KIF1A: variants seen among roughly 807,000 people sequenced by gnomAD.
The protein encoded by KIF1A is kinesin-like protein KIF1A.
KIF1A carries 46 observed loss-of-function variants against 227.3 expected under a neutral mutation model. The observed-to-expected ratio is 0.20, with a 90% CI of 0.16 to 0.26. The LOEUF is 0.26. Ranked by LOEUF, KIF1A falls within the 10% of genes least tolerant of loss-of-function variation. KIF1A has a pLI of 1.00. For synonymous variants in KIF1A, 1,022 were observed against 1,012.8 expected, an observed-to-expected ratio of 1.01 and a Z score of -0.17; for missense variants, 1,683 against 2,485.9, an observed-to-expected ratio of 0.68 and a Z score of 6.87.
intron 2 of KIF1A, 127 bp downstream of exon 2, chr2:240,797,520 G>A (rs532356972): frequency 1.2e-5 from 8 of 659,924 alleles, no homozygotes; most frequent in South Asian, 7.1e-5. Flanking sequence ...ACACCCACAC[G>A]CCACATAGAC....
chr2:240,721,795 C>T lies in KIF1A; in HGVS notation c.4743+12G>A, dbSNP rs2045425036. On this transcript the variant is annotated intron_variant, in intron 44 of 48. Transcript: ENST00000498729. ...CCTGCGGGGCAGCCTGGTGCAGCCC[C>T]TCTGCACCCACCTTGCTCTCGCTGG... The T allele has an allele frequency of 5.6e-6, 9 of 1,597,054 alleles. 1 individual carries two copies. Among genetic ancestry groups the T allele is most frequent in the East Asian group, 4.5e-5 (2 of 44,718 alleles).
intron 5 of KIF1A, 82 bp downstream of exon 5, chr2:240,787,169 C>T: frequency 8.8e-7 from 1 of 1,136,988 alleles, no homozygotes; most frequent in East Asian, 2.4e-5. Context: ...GGTGGGCACT[C>T]ACTTTGCATC....
chr2:240,821,173 A>G (rs1449151351), upstream of KIF1A, among the ~76,000 whole-genome samples: 1 of 151,778 alleles, frequency 6.6e-6, no homozygotes. Flanking sequence ...GCCACCCTGA[A>G]CCCCGGGGCT....
At position 240,820,165 on chromosome 2, in the gene KIF1A, G is replaced by A. The variant is rs867422973; in HGVS notation, c.-104C>T. The A allele has an allele frequency of 1.3e-5, 2 of 149,360 alleles. No individual in the cohort carries two copies. The highest frequency in any genetic ancestry group is 3.0e-5 in the Non-Finnish European group (2 of 66,536). The allele number at this position is 149,360 out of a possible 1,614,324, so 9.3% of individuals were successfully genotyped here. On this transcript the variant is annotated 5_prime_UTR_variant, in exon 1 of 49. Coordinates refer to ENST00000498729, the MANE Select transcript of KIF1A (RefSeq NM_001244008.2). This position sits in a 1 kb window ranked among gnomAD's most constrained non-coding sequence, Gnocchi z 6.2. ...GGCGGCCCCGCATGGGCACTGGCAT[G>A]GGCGCGGGCTCTCGAGCCCGGAGCT... is the stretch of plus-strand genomic sequence containing the variant.
At position 240,734,373 on chromosome 2, in the gene KIF1A, C is replaced by T. The variant is rs551487838; in HGVS notation, c.4007+2690G>A. 5.9e-5 allele frequency among the ~76,000 whole-genome samples: 9 copies of T among 152,254 alleles called. No individual in the cohort carries two copies. The South Asian group carries it at 1.7e-3, about 28-fold the overall frequency. The stretch of plus-strand genomic sequence containing the variant: ...CGGGACACCGAGCCCATCCACAGGG[C>T]AGGGTGTGGCGCGGGGCAGGCAAGG... On this transcript the variant is annotated intron_variant, in intron 38 of 48. Transcript: ENST00000498729.
intron 5 of KIF1A, 62 bp downstream of exon 5, chr2:240,787,189 C>T: frequency 1.5e-6 from 2 of 1,358,180 alleles, no homozygotes; most frequent in Middle Eastern, 1.8e-4. Flanking sequence ...CAGAAAAGCA[C>T]TGCCAGCCAC....
chr2:240,791,005 C>T (rs556697244), intron 2 of KIF1A, among the ~76,000 whole-genome samples: 1 of 152,164 alleles, frequency 6.6e-6, no homozygotes, highest in African/African-American at 2.4e-5. Context: ...GCCTTGTCGC[C>T]AGGGCAGATC....
At chr2:240,808,498 A>C (rs2057602398) in intron 1 of KIF1A, among the ~76,000 whole-genome samples, 1 of 51,282 alleles carries the variant, frequency 1.9e-5, no homozygotes, top group African/African-American at 8.1e-5. Flanking sequence ...TTTCTAAAAC[A>C]AAAAAAAAAA....
At position 240,717,386 on chromosome 2, in the gene KIF1A, C is replaced by T. The variant is rs1288174496; in HGVS notation, c.5354G>A (p.Arg1785Lys). ...GGTTCAGACCCGCATCTGGGCAGAC[C>T]TCCTTCTGGAGAGCTTGGACCTGCA... ...GTIRSKLSRR[R>K]SAQMRV The change falls in exon 49 of 49, where the codon AGG (arginine) becomes AAG (lysine). Residue 1785 changes from arginine (R) to lysine (K), a missense_variant. Arg to Lys is a conservative substitution (Grantham distance 26). Coordinates refer to ENST00000498729, the MANE Select transcript of KIF1A (RefSeq NM_001244008.2). 4 of 1,611,866 alleles carry T rather than the reference C, an allele frequency of 2.5e-6. No homozygotes were observed. Among genetic ancestry groups the T allele is most frequent in the Non-Finnish European group, 3.4e-6 (4 of 1,179,528 alleles).
rs868672764 is a variant in KIF1A, at chr2:240,776,010, T to C, written c.883-84A>G. The stretch of plus-strand genomic sequence containing the variant: ...AGGGGCCAGCGCAGGCCCTGCCAAG[T>C]GGGTCCTCAAAGCTGGAGGCTGGGC... On this transcript the variant is annotated intron_variant, in intron 10 of 48. Coordinates refer to ENST00000498729, the MANE Select transcript of KIF1A (RefSeq NM_001244008.2). 5.5e-5 allele frequency: 51 copies of C among 935,256 alleles called. No homozygotes were observed. In the Middle Eastern group the frequency reaches 2.0e-3, roughly 37 times the overall value. 57.9% of individuals were successfully genotyped at this position (935,256 alleles called of 1,614,324 possible).
intron 42 of KIF1A, 87 bp from the exon 43 acceptor site, chr2:240,722,743 TG>T: frequency 9.0e-7 from 1 of 1,114,698 alleles, no homozygotes; most frequent in Non-Finnish European, 1.2e-6. Flanking sequence ...CATGACCCTC[TG>T]GGCAGACCCC....
At chr2:240,760,597 G>A (rs1300797704) in intron 25 of KIF1A, 68 bp downstream of exon 25, 26 of 1,274,058 alleles carry the variant, frequency 2.0e-5, no homozygotes, top group South Asian at 5.7e-5. Context: ...GCCTACCACC[G>A]CTCCTGTGGC....
chr2:240,794,847 G>A (rs913498610), intron 2 of KIF1A, among the ~76,000 whole-genome samples: 12 of 152,190 alleles, frequency 7.9e-5, no homozygotes, highest in South Asian at 2.1e-4. Flanking sequence ...GTGCGTCTTC[G>A]GCTACAGTGG....
chr2:240,806,107 T>C (rs539882967), intron 1 of KIF1A, among the ~76,000 whole-genome samples: 1 of 152,324 alleles, frequency 6.6e-6, no homozygotes, highest in Non-Finnish European at 1.5e-5. Context: ...GGGCACATAC[T>C]AGGTGAGCCC....
intron 38 of KIF1A, among the ~76,000 whole-genome samples, chr2:240,729,865 C>A (rs1437015688): frequency 1.3e-4 from 20 of 152,246 alleles, no homozygotes; most frequent in Admixed American, 3.3e-4. Context: ...TCCCCTCCCC[C>A]AGGTGCCAAG....
At chr2:240,723,825 C>A in intron 41 of KIF1A, 150 bp downstream of exon 41, 2 of 800,804 alleles carry the variant, frequency 2.5e-6, no homozygotes, top group Non-Finnish European at 4.3e-6. Context: ...GCTCTCCTCC[C>A]ATCTCAGAAC....
chr2:240,807,758 C>A (rs2057549807), intron 1 of KIF1A, among the ~76,000 whole-genome samples: 1 of 152,028 alleles, frequency 6.6e-6, no homozygotes, highest in African/African-American at 2.4e-5. Context: ...CACTGATGAA[C>A]ATAGGTACAA....
At chr2:240,749,124 CA>C (rs71049518) in intron 28 of KIF1A, among the ~76,000 whole-genome samples, 25,702 of 132,050 alleles carry the variant, frequency 0.19, 2,288 homozygotes, top group Middle Eastern at 0.3. Context: ...AGACTTTGTC[CA>C]AAAAAAAAAA....
rs1047226841 is a variant in KIF1A at position 240,716,317 on chromosome 2, C to T, written c.*1047G>A. On this transcript the variant is annotated 3_prime_UTR_variant, in exon 49 of 49. Transcript: ENST00000498729. ...TCTTCCCAGAAGCTACCTTGACTCA[C>T]TCCATTTCTCGCCGCAGCTGAAGAG... 6.6e-6 allele frequency: 1 copy of T among 152,294 alleles called. No homozygotes were observed. The highest frequency in any genetic ancestry group is 1.5e-5 in the Non-Finnish European group (1 of 68,020). 9.4% of individuals were successfully genotyped at this position (152,294 alleles called of 1,614,324 possible). A position where few individuals can be genotyped will look rare whatever the true frequency, so the allele number is the denominator to read the frequency against.
Sources: gnomAD v4.1 joint callset for allele counts (sites outside exome capture counted in the v4.1 genomes callset) on GRCh38, gnomAD v4.1.1 for gene constraint, Gnocchi (gnomAD v3.1) non-coding constraint, MANE v1.5 for transcripts, NCBI Gene and HGNC (gene_info 2026-07-23, HGNC 2026-07-21) for gene names.